The following SPTBN2 variants were observed in gnomAD, a reference collection of about 807,000 sequenced individuals.
SPTBN2 encodes the protein spectrin beta, non-erythrocytic 2, also known as spectrin beta chain, non-erythrocytic 2.
A neutral mutation model predicts 284.2 loss-of-function variants in SPTBN2; 107 were observed. The observed-to-expected ratio is 0.38, with a 90% confidence interval of 0.32 to 0.44. The LOEUF is 0.44. Ranked by LOEUF, SPTBN2 falls within the 20% of genes least tolerant of loss-of-function variation. The pLI is 1.00. For missense variants in SPTBN2, 2,569 were observed against 3,287.1 expected (o/e 0.78, Z 5.34); for synonymous variants, 1,289 against 1,354.8 (o/e 0.95, Z 1.07).
At position 66,715,799 on chromosome 11, in the gene SPTBN2, C is replaced by A. The variant is rs776434495; in HGVS notation, c.309+31G>T. The A allele has an allele frequency of 6.2e-7, 1 of 1,612,574 alleles. No homozygotes were observed. Among genetic ancestry groups the A allele is most frequent in the Admixed American group, 1.7e-5 (1 of 59,828 alleles). ...GTCCCCTTGGACACTTTTCTAAGGC[C>A]CCCCCACTTCCCTTCATGACCACAG... is the stretch of plus-strand genomic sequence containing the variant. On this transcript the variant is annotated intron_variant, in intron 4 of 37. Transcript: ENST00000533211. This position sits in a 1 kb window ranked among gnomAD's most constrained non-coding sequence, Gnocchi z 5.3.
In SPTBN2 at chr11:66,718,173, C is replaced by G. The variant is rs918623152; in HGVS notation, c.158-2192G>C. Among the ~76,000 whole-genome samples the G allele has an allele frequency of 6.6e-6, 1 of 152,226 alleles. No individual in the cohort carries two copies. Among genetic ancestry groups the G allele is most frequent in the Non-Finnish European group, 1.5e-5 (1 of 68,040 alleles). On this transcript the variant is annotated intron_variant, in intron 3 of 37. Transcript: ENST00000533211. The surrounding 1 kb of genome is among the most constrained non-coding windows in gnomAD (Gnocchi z 4.8). ...CATGGCTAGTTGCCTTTGCTCCATG[C>G]AGCACCCCAAGGCCCGGCAGTCACA...
intron 1 of SPTBN2, among the ~76,000 whole-genome samples, chr11:66,737,194 G>T (rs1347703027): frequency 1.3e-5 from 2 of 152,124 alleles, no homozygotes; most frequent in Non-Finnish European, 2.9e-5. Flanking sequence ...TGAAAATCTA[G>T]ATTTGCATAA....
rs1485913976 is a variant in SPTBN2 at position 66,711,004 on chromosome 11, C to G, written c.798G>C (p.Glu266Asp). The part of the protein sequence containing the change: ...PEDVNVDQPD[E>D]KSIITYVATY... ...TAGCCACATAGGTAATGATTGACTT[C>G]TCATCTGGCTGGTCCACATTCACGT... The change falls in exon 9 of 38, where the codon GAG becomes GAC. Residue 266 changes from glutamate (E) to aspartate (D), a missense_variant. Around this residue, in one of 6 missense-constraint regions of SPTBN2, gnomAD observed 304 missense variants for 522.1 expected, o/e 0.58. Coordinates refer to ENST00000533211, the MANE Select transcript of SPTBN2 (RefSeq NM_006946.4). 6.2e-7 allele frequency: 1 copy of G among 1,614,214 alleles called. No individual in the cohort carries two copies. Among genetic ancestry groups the G allele is most frequent in the Non-Finnish European group, 8.5e-7 (1 of 1,180,038 alleles).
chr11:66,715,814 C>T lies in SPTBN2; in HGVS notation c.309+16G>A. On this transcript the variant is annotated intron_variant, in intron 4 of 37. Coordinates refer to ENST00000533211, the MANE Select transcript of SPTBN2 (RefSeq NM_006946.4). The surrounding 1 kb of genome is among the most constrained non-coding windows in gnomAD (Gnocchi z 5.3). ...TTTCTAAGGCCCCCCCACTTCCCTT[C>T]ATGACCACAGCTCACCAGTATCTCT... is the stretch of plus-strand genomic sequence containing the variant. 1 of 1,613,738 alleles carries T rather than the reference C, an allele frequency of 6.2e-7. No individual in the cohort carries two copies. The highest frequency in any genetic ancestry group is 8.5e-7 in the Non-Finnish European group (1 of 1,179,904).
intron 25 of SPTBN2, 38 bp from the exon 26 acceptor site, chr11:66,692,778 G>A (rs1451374350): frequency 1.3e-6 from 2 of 1,599,270 alleles, no homozygotes; most frequent in Admixed American, 1.7e-5. Context: ...GGGACTTAGG[G>A]GTGTAGCTCT....
chr11:66,689,214 C>G (rs752129436), intron 29 of SPTBN2, 34 bp from the exon 30 acceptor site: 1 of 1,584,872 alleles, frequency 6.3e-7, no homozygotes, highest in Non-Finnish European at 8.6e-7. Context: ...GAGTTAGCAC[C>G]AGGATGTGAG....
At chr11:66,732,992 A>G (rs1942824637), upstream of SPTBN2, among the ~76,000 whole-genome samples, 1 of 151,986 alleles carries the variant, frequency 6.6e-6, no homozygotes, top group African/African-American at 2.4e-5. Context: ...AAAAAAAAAA[A>G]AAAAAACAAT....
chr11:66,720,640 G>A (rs1942353389), intron 3 of SPTBN2, among the ~76,000 whole-genome samples: 1 of 152,178 alleles, frequency 6.6e-6, no homozygotes, highest in African/African-American at 2.4e-5. Flanking sequence ...GCAGGTGGAA[G>A]GAACAGGTGG....
intron 36 of SPTBN2, 141 bp from the exon 37 acceptor site, chr11:66,686,581 C>A: frequency 2.2e-6 from 2 of 895,640 alleles, no homozygotes; most frequent in Admixed American, 1.9e-5. Context: ...ACGCTCTGCA[C>A]ATTCTTCAGC....
chr11:66,686,162 T>G, intron 37 of SPTBN2, 58 bp from the exon 38 acceptor site: 2 of 1,540,672 alleles, frequency 1.3e-6, no homozygotes, highest in African/African-American at 1.4e-5. Flanking sequence ...TTGGCCGCAG[T>G]GGACAGCAGG....
intron 26 of SPTBN2, 134 bp downstream of exon 26, chr11:66,692,399 CAGG>C: frequency 2.0e-6 from 2 of 1,012,580 alleles, no homozygotes; most frequent in Non-Finnish European, 3.0e-6. Flanking sequence ...ACCTCAAAAC[CAGG>C]AGGACAGTGC....
chr11:66,737,739 C>T (rs1294324504), intron 1 of SPTBN2, among the ~76,000 whole-genome samples: 2 of 152,104 alleles, frequency 1.3e-5, no homozygotes, highest in Non-Finnish European at 2.9e-5. Context: ...TGTTTCCCAA[C>T]CCTAAACACA....
intron 20 of SPTBN2, among the ~76,000 whole-genome samples, chr11:66,697,137 T>C (rs1590929437): frequency 6.6e-6 from 1 of 152,032 alleles, no homozygotes; most frequent in African/African-American, 2.4e-5. Flanking sequence ...CTGTGTTCTG[T>C]GTTCCATCTA....
In SPTBN2 at chr11:66,685,950, C is replaced by T; in HGVS notation, c.7094G>A (p.Gly2365Glu). Residue 2365 changes from glycine to glutamate, a missense_variant, in exon 38 of 38, where the codon GGG becomes GAG. Physicochemically the swap from Gly to Glu is moderately conservative, Grantham distance 98 (BLOSUM62 -2). Transcript: ENST00000533211. The surrounding 1 kb of genome is among the most constrained non-coding windows in gnomAD (Gnocchi z 4.4). ...MPPVSPVGAE[G>E]PVVLRSKDGR... ...GTCTTTGCTGCGGAGCACAACAGGC[C>T]CCTCAGCCCCGACGGGTGACACTGG... is the stretch of plus-strand genomic sequence containing the variant. The T allele has an allele frequency of 6.2e-7, 1 of 1,613,874 alleles. No individual in the cohort carries two copies. Among genetic ancestry groups the T allele is most frequent in the Non-Finnish European group, 8.5e-7 (1 of 1,180,008 alleles).
rs138251325 is a variant in SPTBN2, at chr11:66,694,117, G to A, written c.4503+22C>T. 1.4e-5 allele frequency: 22 copies of A among 1,601,406 alleles called. No individual in the cohort carries two copies. The Admixed American group carries it at 1.5e-4, about 11-fold the overall frequency. ...ACCACATGGCTGGGGGCAGCTTGCC[G>A]TCCTTGGCCCCAGTGACTCACAATC... On this transcript the variant is annotated intron_variant, in intron 22 of 37. Transcript: ENST00000533211.
intron 1 of SPTBN2, among the ~76,000 whole-genome samples, chr11:66,723,506 T>C (rs1350380900): frequency 6.6e-6 from 1 of 152,144 alleles, no homozygotes; most frequent in Non-Finnish European, 1.5e-5. Flanking sequence ...GAACCTGACC[T>C]ACTTGAAGGT....
At chr11:66,698,914 C>T (rs1414792200) in intron 19 of SPTBN2, 78 bp downstream of exon 19, 2 of 1,603,692 alleles carry the variant, frequency 1.2e-6, no homozygotes, top group African/African-American at 2.7e-5. Flanking sequence ...GTCTCCGGTA[C>T]CTTGTGCTGG....
Position 66,688,702 on chromosome 11 carries a change from G to C in SPTBN2, c.6182C>G (p.Ser2061Ter). Residue 2061 changes from serine (S) to a stop codon, truncating the protein, a stop_gained, in exon 31 of 38, where the codon TCA becomes TGA. Transcript: ENST00000533211. LOFTEE classifies it high-confidence loss of function. ...LIKRHEAFQKSAVAWEERFCA... is the reference protein window; with the variant it reads ...LIKRHEAFQK The stretch of plus-strand genomic sequence containing the variant: ...GAATCGCTCCTCCCAGGCCACTGCT[G>C]ACTTCTGGAAGGCCTCGTGCCGCTT... 1 of 1,613,958 alleles carries C rather than the reference G, an allele frequency of 6.2e-7. No individual in the cohort carries two copies. The highest frequency in any genetic ancestry group is 8.5e-7 in the Non-Finnish European group (1 of 1,180,032).
chr11:66,711,995 G>A (rs1447453503), intron 8 of SPTBN2, among the ~76,000 whole-genome samples: 1 of 152,214 alleles, frequency 6.6e-6, no homozygotes, highest in Non-Finnish European at 1.5e-5. Flanking sequence ...ACCTCCAGCA[G>A]GCGAGCCTTT....
Sources: gnomAD v4.1 joint callset for allele counts (sites outside exome capture counted in the v4.1 genomes callset) on GRCh38, gnomAD v4.1.1 for gene constraint, gnomAD v4.1.1 regional missense constraint, Gnocchi (gnomAD v3.1) non-coding constraint, MANE v1.5 for transcripts, NCBI Gene and HGNC (gene_info 2026-07-23, HGNC 2026-07-21) for gene names.